MKLN1: variants seen among roughly 807,000 people sequenced by gnomAD.
MKLN1 encodes muskelin 1.
Under a neutral mutation model 99.0 loss-of-function variants are expected in MKLN1, and 18 were observed. That is an observed-to-expected ratio of 0.18 (90% confidence interval 0.13 to 0.27). The LOEUF (loss-of-function observed/expected upper bound fraction) is 0.27, where lower values mean the gene tolerates loss of function less well. Among genes scored for constraint, MKLN1 ranks in the 10% least tolerant of loss-of-function variants. The pLI is 1.00. For synonymous variants in MKLN1, 288 were observed against 293.2 expected (o/e 0.98, Z 0.18); for missense variants, 621 against 875.9 (o/e 0.71, Z 3.67).
chr7:131,477,463 C>T (rs1462893884), intron 16 of MKLN1, among the ~76,000 whole-genome samples: 5 of 151,460 alleles, frequency 3.3e-5, no homozygotes, highest in Non-Finnish European at 5.9e-5. Context: ...GCCATGATCA[C>T]GCCACTGCAC....
intron 2 of MKLN1, among the ~76,000 whole-genome samples, chr7:131,198,810 C>T (rs184457082): frequency 1.3e-5 from 2 of 152,192 alleles, no homozygotes; most frequent in African/African-American, 4.8e-5. Context: ...AAGAAACAAC[C>T]TTATGTCCCG....
At chr7:131,208,466 G>C (rs77449117) in intron 3 of MKLN1, among the ~76,000 whole-genome samples, 3 of 151,948 alleles carry the variant, frequency 2.0e-5, no homozygotes, top group Non-Finnish European at 4.4e-5. Context: ...GTGGTGGTGC[G>C]TGCCTGTGGT....
chr7:131,185,963 T>A lies in MKLN1; in HGVS notation c.-296-16894T>A, dbSNP rs183364489. 4.8e-3 allele frequency among the ~76,000 whole-genome samples: 722 copies of A among 151,578 alleles called. 4 individuals are homozygous for A. The highest frequency in any genetic ancestry group is 0.017 in the African/African-American group (688 of 41,104). On this transcript the variant is annotated intron_variant, in intron 2 of 7. Coordinates refer to the MKLN1 transcript ENST00000416992. ...ATCCCAGCACTTTGGGAGGCTGAGG[T>A]GGGCAGATCATGAGGTCAAGAGATT...
At chr7:131,192,929 G>A (rs758078349) in intron 2 of MKLN1, among the ~76,000 whole-genome samples, 2 of 152,128 alleles carry the variant, frequency 1.3e-5, no homozygotes, top group Non-Finnish European at 2.9e-5. Context: ...ACTACCCAAA[G>A]TACACACAGG....
intron 17 of MKLN1, among the ~76,000 whole-genome samples, chr7:131,482,197 T>C (rs540733942): frequency 1.3e-5 from 2 of 151,866 alleles, no homozygotes; most frequent in South Asian, 4.1e-4. Flanking sequence ...TTTATTTATT[T>C]ATTCATTCAT....
chr7:131,274,505 T>A lies in MKLN1; in HGVS notation c.-179+71531T>A, dbSNP rs1797931543. Among the ~76,000 whole-genome samples the A allele has an allele frequency of 2.0e-5, 3 of 151,780 alleles. No individual in the cohort carries two copies. The South Asian group carries it at 6.3e-4, about 32-fold the overall frequency. On this transcript the variant is annotated intron_variant, in intron 3 of 7. Coordinates refer to the MKLN1 transcript ENST00000416992. Reference sequence around the variant, plus strand: ...AAAAAATACAAAAATTAGCTGAGTGTGGTGTCATGTAACTGAGGTCCCAGC... The same window carrying A: ...AAAAAATACAAAAATTAGCTGAGTGAGGTGTCATGTAACTGAGGTCCCAGC...
intron 2 of MKLN1, among the ~76,000 whole-genome samples, chr7:131,192,537 T>C (rs1300638176): frequency 7.1e-6 from 1 of 140,852 alleles, no homozygotes; most frequent in East Asian, 2.0e-4. Context: ...TATATATAAA[T>C]ATATATATTA....
intron 12 of MKLN1, among the ~76,000 whole-genome samples, chr7:131,460,276 G>C (rs568103542): frequency 6.6e-6 from 1 of 151,882 alleles, no homozygotes; most frequent in South Asian, 2.1e-4. Flanking sequence ...TTTTCCTCCT[G>C]TCTATAATTC....
At chr7:131,203,161 A>G (rs1796756088) in intron 3 of MKLN1, among the ~76,000 whole-genome samples, 1 of 152,236 alleles carries the variant, frequency 6.6e-6, no homozygotes, top group Non-Finnish European at 1.5e-5. Context: ...ACCACTGTTT[A>G]TAATTTAAAC....
At chr7:131,394,798 T>G (rs1794307881) in intron 4 of MKLN1, among the ~76,000 whole-genome samples, 1 of 152,074 alleles carries the variant, frequency 6.6e-6, no homozygotes, top group Non-Finnish European at 1.5e-5. Context: ...TTAAAGATAG[T>G]TGCATTATTG....
At chr7:131,444,728 A>G (rs528342937) in intron 11 of MKLN1, among the ~76,000 whole-genome samples, 15 of 33,724 alleles carry the variant, frequency 4.4e-4, no homozygotes, top group South Asian at 1.4e-3. Flanking sequence ...GAGTAGTAGT[A>G]GTAGTAGTAG....
intron 4 of MKLN1, among the ~76,000 whole-genome samples, chr7:131,395,769 G>T (rs1441183075): frequency 2.6e-5 from 4 of 151,564 alleles, no homozygotes; most frequent in African/African-American, 4.9e-5. Flanking sequence ...AGACCATTGG[G>T]ATTTTGATTG....
intron 3 of MKLN1, among the ~76,000 whole-genome samples, chr7:131,291,380 C>T (rs10279845): frequency 6.6e-6 from 1 of 151,672 alleles, no homozygotes; most frequent in Non-Finnish European, 1.5e-5. Context: ...ATCCACCCGC[C>T]TCAGCCTCCC....
rs576265835 is a variant in MKLN1 at position 131,310,231 on chromosome 7, A to G, written c.-178-65193A>G. On this transcript the variant is annotated intron_variant, in intron 3 of 7. Coordinates refer to the MKLN1 transcript ENST00000416992. The stretch of plus-strand genomic sequence containing the variant: ...TAAAAAGATGAGTACATGCCTCAAA[A>G]GGGGGTGTGTGTAGGACAGGATTGC... The G allele has an allele frequency of 2.6e-5, 4 of 152,340 alleles. No individual in the cohort carries two copies. The East Asian group carries it at 7.7e-4, about 29-fold the overall frequency. The allele number at this position is 152,340 out of a possible 1,614,324, so 9.4% of individuals were successfully genotyped here.
chr7:131,411,906 CAAAAAAAAAAAAAAAA>C (rs34182914), intron 7 of MKLN1, among the ~76,000 whole-genome samples: 18 of 53,104 alleles, frequency 3.4e-4, no homozygotes, highest in East Asian at 8.4e-4. Context: ...GATTCCATCT[CAAAAAAAAAAAAAAAA>C]AAAAAAAAAA....
chr7:131,360,618 A>C (rs749203983), intron 1 of MKLN1, among the ~76,000 whole-genome samples: 3 of 152,092 alleles, frequency 2.0e-5, no homozygotes, highest in Non-Finnish European at 2.9e-5. Flanking sequence ...GTTCTTACTC[A>C]TTTATCTACA....
chr7:131,129,705 C>G (rs888097545), intron 1 of MKLN1, among the ~76,000 whole-genome samples: 1 of 152,140 alleles, frequency 6.6e-6, no homozygotes, highest in Admixed American at 6.6e-5. Context: ...TCTGAATTAG[C>G]TGGGACTACA....
chr7:131,314,646 T>A (rs1798630661), intron 3 of MKLN1, among the ~76,000 whole-genome samples: 1 of 151,976 alleles, frequency 6.6e-6, no homozygotes, highest in Non-Finnish European at 1.5e-5. Flanking sequence ...ACAGTGTCGA[T>A]CTCCTGACCT....
At chr7:131,445,654 A>ACTCCAT (rs1795991513) in intron 11 of MKLN1, 120 bp from the exon 12 acceptor site, 2 of 705,516 alleles carry the variant, frequency 2.8e-6, no homozygotes, top group Non-Finnish European at 4.5e-6. Flanking sequence ...CCAGCATAGT[A>ACTCCAT]CTCCATTGGG....
Sources: gnomAD v4.1 joint callset for allele counts (sites outside exome capture counted in the v4.1 genomes callset) on GRCh38, gnomAD v4.1.1 for gene constraint, MANE v1.5 for transcripts, NCBI Gene and HGNC (gene_info 2026-07-23, HGNC 2026-07-21) for gene names.